Variants in NOL9 observed in about 807,000 individuals in gnomAD.
NOL9 encodes the protein polynucleotide 5'-hydroxyl-kinase NOL9.
A neutral mutation model predicts 67.9 loss-of-function variants in NOL9; 28 were observed. That is an observed-to-expected ratio of 0.41 (90% CI 0.31 to 0.57). The LOEUF is 0.57. Ranked by LOEUF, NOL9 falls within the 20% of genes least tolerant of loss-of-function variation. NOL9 has a pLI of 0.25. For missense variants in NOL9, 777 were observed against 897.0 expected (o/e 0.87, Z 1.71); for synonymous variants, 356 against 352.2 (o/e 1.01, Z -0.12).
At chr1:6,540,778 A>G (rs1483385271) in intron 6 of NOL9, 1 of 151,922 alleles carries the variant, frequency 6.6e-6, no homozygotes, top group Non-Finnish European at 1.5e-5. Flanking sequence ...GTGAGCACAG[A>G]TCACACCACT....
rs140463809 is a variant in NOL9 at position 6,526,738 on chromosome 1, G to A, written c.1917C>T (p.Leu639=). Residue 639 remains leucine (L), a synonymous_variant, in exon 11 of 12, where the codon CTC becomes CTT. Transcript: ENST00000377705. ...PEELRTVNCL[L]VGAIAIPHCV... ...AATGTGGAATGGCAATAGCTCCAAC[G>A]AGCAGACAATTCACGGTCCTTAGCT... 1.1e-4 allele frequency: 181 copies of A among 1,613,898 alleles called. No individual in the cohort carries two copies. The African/African-American group carries it at 1.9e-3, about 17-fold the overall frequency.
At chr1:6,548,384 T>C in intron 3 of NOL9, 2 of 203,522 alleles carry the variant, frequency 9.8e-6, no homozygotes, top group Non-Finnish European at 2.1e-5. Context: ...TAACCTGAAG[T>C]GATCTGCCCA....
At chr1:6,540,652 G>A (rs534555673) in intron 6 of NOL9, among the ~76,000 whole-genome samples, 1 of 151,992 alleles carries the variant, frequency 6.6e-6, no homozygotes, top group African/African-American at 2.4e-5. Context: ...ATGGTGAAAC[G>A]CTGTCTCTAC....
rs760358547 is a variant in NOL9 at position 6,531,988 on chromosome 1, G to A, written c.1627C>T (p.His543Tyr). 3.7e-6 allele frequency: 6 copies of A among 1,613,722 alleles called. No individual in the cohort carries two copies. The South Asian group carries it at 6.6e-5, about 18-fold the overall frequency. ...ATTACCTGATAGGGTGTCAGGCTAT[G>A]TAAAGGAGAAAGTGGTTTGGGCATC... Reference protein sequence around the residue: ...PPMPKPLSPLHSLTPYQVPFN... With the variant: ...PPMPKPLSPLYSLTPYQVPFN... Residue 543 changes from histidine to tyrosine, a missense_variant, in exon 9 of 12, where the codon CAT (histidine) becomes TAT (tyrosine). His to Tyr is a moderately conservative substitution (Grantham distance 83). Transcript: ENST00000377705.
chr1:6,539,478 AATTATTATT>A (rs112086769), intron 6 of NOL9, among the ~76,000 whole-genome samples: 5 of 151,704 alleles, frequency 3.3e-5, no homozygotes, highest in East Asian at 1.9e-4. Context: ...CATCAAAAAG[AATTATTATT>A]ATTATTATTT....
At chr1:6,527,869 T>A (rs1638926692) in intron 10 of NOL9, among the ~76,000 whole-genome samples, 1 of 151,922 alleles carries the variant, frequency 6.6e-6, no homozygotes, top group African/African-American at 2.4e-5. Flanking sequence ...AGGTGGAGGT[T>A]GCAGTGAACG....
At chr1:6,553,314 G>A (rs1639583942) in intron 1 of NOL9, among the ~76,000 whole-genome samples, 2 of 152,168 alleles carry the variant, frequency 1.3e-5, no homozygotes, top group East Asian at 3.9e-4. Flanking sequence ...TCCAGGAATG[G>A]CATCCACGTT....
At chr1:6,537,971 G>A (rs1337757216) in intron 6 of NOL9, among the ~76,000 whole-genome samples, 11 of 115,536 alleles carry the variant, frequency 9.5e-5, no homozygotes, top group African/African-American at 4.0e-4. Context: ...CAGCCTGGGC[G>A]ACAAAGCAAG....
chr1:6,529,785 G>C (rs922150036), intron 9 of NOL9, among the ~76,000 whole-genome samples: 8 of 151,810 alleles, frequency 5.3e-5, no homozygotes, highest in Admixed American at 4.6e-4. Flanking sequence ...AATTAGCCAG[G>C]GATGGTGGTG....
In NOL9 at chr1:6,532,847, T is replaced by C. The variant is rs538372073; in HGVS notation, c.1238-87A>G. The C allele has an allele frequency of 4.8e-6, 6 of 1,237,806 alleles. No homozygotes were observed. The South Asian group carries it at 7.6e-5, about 16-fold the overall frequency. The allele number at this position is 1,237,806 out of a possible 1,614,324, so 76.7% of individuals were successfully genotyped here. Reference sequence around the variant, plus strand: ...GTGACATGCTCCTACGACAAATGGATGCATTTGTTCTAAGACAAAGAAACC... The same window carrying C: ...GTGACATGCTCCTACGACAAATGGACGCATTTGTTCTAAGACAAAGAAACC... On this transcript the variant is annotated intron_variant, in intron 7 of 11. Coordinates refer to ENST00000377705, the MANE Select transcript of NOL9 (RefSeq NM_024654.5).
At chr1:6,546,278 T>C (rs1639420542) in intron 3 of NOL9, among the ~76,000 whole-genome samples, 1 of 152,154 alleles carries the variant, frequency 6.6e-6, no homozygotes, top group African/African-American at 2.4e-5. Context: ...GAAAAAAGAA[T>C]GTGGCTGCCC....
chr1:6,545,201 T>G (rs1307042750), intron 3 of NOL9, 21 bp from the exon 4 acceptor site: 19 of 1,599,248 alleles, frequency 1.2e-5, no homozygotes, highest in Non-Finnish European at 1.5e-5. Flanking sequence ...CAATTTAAAC[T>G]TTAAGGTGAA....
Position 6,550,470 on chromosome 1 carries a change from T to A in NOL9, c.542A>T (p.Tyr181Phe), listed in dbSNP as rs764211850. Residue 181 changes from tyrosine (Y) to phenylalanine (F), a missense_variant, in exon 2 of 12, where the codon TAC becomes TTC. Transcript: ENST00000377705. ...HSCLSIHALH[Y>F]SQPEKSKKEL... ...CTTCTTGCTTTTCTCAGGCTGTGAG[T>A]AGTGAAGTGCATGGATACTCAAGCA... 2 of 1,614,002 alleles carry A rather than the reference T, an allele frequency of 1.2e-6. No individual in the cohort carries two copies. The highest frequency in any genetic ancestry group is 1.7e-6 in the Non-Finnish European group (2 of 1,180,008).
chr1:6,527,309 C>T (rs1638910209), intron 10 of NOL9, among the ~76,000 whole-genome samples: 1 of 151,530 alleles, frequency 6.6e-6, no homozygotes, highest in African/African-American at 2.4e-5. Flanking sequence ...CAGTTCGTAC[C>T]TTCCCTGTGT....
rs142673227 is a variant in NOL9 at position 6,536,874 on chromosome 1, G to A, written c.1076-3433C>T. ...TAAGTAAAACAGCATGGCAGGATCAGGCATGGTGGCTCTGCCATCTCCGTG... is the reference window on the plus strand; with the variant it reads ...TAAGTAAAACAGCATGGCAGGATCAAGCATGGTGGCTCTGCCATCTCCGTG... On this transcript the variant is annotated intron_variant, in intron 6 of 11. Transcript: ENST00000377705. 2.5e-3 allele frequency among the ~76,000 whole-genome samples: 380 copies of A among 152,142 alleles called. 5 individuals are homozygous for A. Among genetic ancestry groups the A allele is most frequent in the African/African-American group, 8.8e-3 (365 of 41,504 alleles).
chr1:6,531,152 G>A (rs1639018370), intron 9 of NOL9, among the ~76,000 whole-genome samples: 1 of 152,114 alleles, frequency 6.6e-6, no homozygotes, highest in Non-Finnish European at 1.5e-5. Context: ...TAGCAGCCTG[G>A]ATTCCAAGTT....
rs1639385510 is a variant in NOL9 at position 6,544,849 on chromosome 1, G to C, written c.954C>G (p.Tyr318Ter). 2.5e-6 allele frequency: 4 copies of C among 1,614,186 alleles called. No individual in the cohort carries two copies. The highest frequency in any genetic ancestry group is 3.4e-6 in the Non-Finnish European group (4 of 1,180,034). The change falls in exon 5 of 12, where the codon TAC (tyrosine) becomes TAG (stop). Residue 318 changes from tyrosine (Y) to a stop codon, truncating the protein, a stop_gained. Coordinates refer to ENST00000377705, the MANE Select transcript of NOL9 (RefSeq NM_024654.5). LOFTEE classifies it high-confidence loss of function. ...ACCTATTTAACAAATGGTTAATCAG[G>C]TATCTATTAAATGTTGACTTTCCAA... ...QDVGKSTFNR[Y>*]LINHLLNSLP...
At chr1:6,532,372 T>TA in intron 8 of NOL9, 91 bp downstream of exon 8, 2 of 1,219,348 alleles carry the variant, frequency 1.6e-6, no homozygotes, top group Non-Finnish European at 2.3e-6. Flanking sequence ...CTGAAGATCT[T>TA]AGAGGACTCA....
chr1:6,526,807 C>T lies in NOL9; in HGVS notation c.1848G>A (p.Met616Ile). The change falls in exon 11 of 12, where the codon ATG becomes ATA. Residue 616 changes from methionine (M) to isoleucine (I), a missense_variant. Met to Ile is a conservative substitution (Grantham distance 10, BLOSUM62 1). Transcript: ENST00000377705. ...TGAGGATGTGGTACAGCCGCTTCTCCATGTCAATGCCTCTACAGATGCCTT... is the reference window on the plus strand; with the variant it reads ...TGAGGATGTGGTACAGCCGCTTCTCTATGTCAATGCCTCTACAGATGCCTT... ...LGFGICRGIDMEKRLYHILTP... is the reference protein window; with the variant it reads ...LGFGICRGIDIEKRLYHILTP... 1.2e-6 allele frequency: 2 copies of T among 1,611,934 alleles called. No homozygotes were observed. The highest frequency in any genetic ancestry group is 1.3e-5 in the African/African-American group (1 of 74,948).
Sources: allele counts gnomAD v4.1 joint callset (sites outside exome capture counted in the v4.1 genomes callset), GRCh38; gene constraint gnomAD v4.1.1; transcripts MANE v1.5; gene names NCBI Gene and HGNC (gene_info 2026-07-23, HGNC 2026-07-21).